The following MTMR7 variants were observed in gnomAD, a reference collection of about 807,000 sequenced individuals.
MTMR7 encodes myotubularin related protein 7, also known as phosphatidylinositol-3-phosphate phosphatase MTMR7.
A neutral mutation model predicts 81.2 loss-of-function variants in MTMR7; 76 were observed. That is an observed-to-expected ratio of 0.94 (90% CI 0.78 to 1.13). MTMR7 has a LOEUF of 1.13. MTMR7 is among the 50% of genes most tolerant of loss of function. The probability of loss-of-function intolerance (pLI) is 0.00; values close to 1 mark genes in which losing one functional copy is unlikely to be tolerated. For missense variants in MTMR7, 1,044 were observed against 820.0 expected (o/e 1.27, Z -3.34); for synonymous variants, 372 against 289.8 (o/e 1.28, Z -2.88).
At chr8:17,361,590 G>T (rs991212707) in intron 3 of MTMR7, among the ~76,000 whole-genome samples, 1 of 152,116 alleles carries the variant, frequency 6.6e-6, no homozygotes, top group African/African-American at 2.4e-5. Flanking sequence ...CATCAAATAT[G>T]GAACATAAAA....
chr8:17,329,257 T>C (rs1203748451), intron 7 of MTMR7, among the ~76,000 whole-genome samples: 2 of 152,194 alleles, frequency 1.3e-5, no homozygotes, highest in East Asian at 3.8e-4. Context: ...CAACACTTCA[T>C]CATCAGCTCA....
At chr8:17,381,426 G>A (rs190399791) in intron 1 of MTMR7, among the ~76,000 whole-genome samples, 8 of 151,970 alleles carry the variant, frequency 5.3e-5, no homozygotes, top group East Asian at 1.9e-4. Context: ...TGCCACCTTC[G>A]AATTTCAATC....
chr8:17,389,560 C>A (rs547080423), intron 1 of MTMR7, among the ~76,000 whole-genome samples: 1 of 152,130 alleles, frequency 6.6e-6, no homozygotes, highest in African/African-American at 2.4e-5. Flanking sequence ...TGATGCCAAG[C>A]ACAGATGCTA....
chr8:17,385,524 C>T (rs1028342821), intron 1 of MTMR7, among the ~76,000 whole-genome samples: 1 of 152,172 alleles, frequency 6.6e-6, no homozygotes, highest in Non-Finnish European at 1.5e-5. Context: ...CTTTGCTCTG[C>T]CTTCGTCTTC....
intron 3 of MTMR7, among the ~76,000 whole-genome samples, chr8:17,364,018 A>ATGATTTTTT (rs1554514764): frequency 3.7e-5 from 2 of 53,804 alleles, no homozygotes; most frequent in Non-Finnish European, 3.2e-5. Flanking sequence ...AAGTGTTGCT[A>ATGATTTTTT]TTATTTTTTT....
At chr8:17,365,620 C>T (rs1293670846) in intron 3 of MTMR7, among the ~76,000 whole-genome samples, 2 of 152,080 alleles carry the variant, frequency 1.3e-5, no homozygotes, top group South Asian at 2.1e-4. Flanking sequence ...CCTAAGGGGC[C>T]CCATTACACA....
At chr8:17,393,851 A>C (rs1278252579) in intron 1 of MTMR7, among the ~76,000 whole-genome samples, 1 of 152,244 alleles carries the variant, frequency 6.6e-6, no homozygotes, top group African/African-American at 2.4e-5. Flanking sequence ...CCTGGGACTT[A>C]ACACAAACGT....
chr8:17,302,529 A>G (rs1407954427), intron 12 of MTMR7: 2 of 353,950 alleles, frequency 5.7e-6, no homozygotes, highest in Non-Finnish European at 1.0e-5. Context: ...CACAGAATAC[A>G]TTTTTCTAAA....
At chr8:17,411,909 C>T (rs1821745917) in intron 1 of MTMR7, among the ~76,000 whole-genome samples, 1 of 152,324 alleles carries the variant, frequency 6.6e-6, no homozygotes, top group East Asian at 1.9e-4. Flanking sequence ...ACAAACGGCT[C>T]CCTTCATCAT....
At chr8:17,377,571 G>A (rs1315150330) in intron 1 of MTMR7, among the ~76,000 whole-genome samples, 2 of 151,364 alleles carry the variant, frequency 1.3e-5, no homozygotes, top group East Asian at 4.1e-4. Context: ...GCTTGGGCAT[G>A]CCATGTGGTT....
intron 12 of MTMR7, 131 bp downstream of exon 12, chr8:17,304,248 C>T: frequency 2.1e-6 from 2 of 948,078 alleles, no homozygotes; most frequent in Non-Finnish European, 3.0e-6. Context: ...ATTCAAGCAT[C>T]TCCCTCTGGT....
At chr8:17,411,437 T>C (rs540224178) in intron 1 of MTMR7, among the ~76,000 whole-genome samples, 10 of 152,294 alleles carry the variant, frequency 6.6e-5, no homozygotes, top group South Asian at 2.1e-4. Flanking sequence ...CCCTTAGAGA[T>C]TGTGAGTTCC....
intron 1 of MTMR7, among the ~76,000 whole-genome samples, chr8:17,405,692 T>A (rs547918165): frequency 6.6e-6 from 1 of 152,102 alleles, no homozygotes; most frequent in South Asian, 2.1e-4. Context: ...CCATGGAGAA[T>A]TGCCTCCAGA....
At chr8:17,396,247 C>G (rs148475781) in intron 1 of MTMR7, among the ~76,000 whole-genome samples, 2,874 of 152,166 alleles carry the variant, frequency 0.019, 44 homozygotes, top group Middle Eastern at 0.031. Flanking sequence ...CAAAAAAGCA[C>G]CATCATAAGA....
At chr8:17,310,503 G>T (rs1028084954) in intron 9 of MTMR7, among the ~76,000 whole-genome samples, 5 of 152,102 alleles carry the variant, frequency 3.3e-5, no homozygotes, top group African/African-American at 1.2e-4. Flanking sequence ...ATGTGTGCAG[G>T]AGAAGAGCCT....
chr8:17,404,417 A>G (rs1821518814), intron 1 of MTMR7, among the ~76,000 whole-genome samples: 1 of 152,184 alleles, frequency 6.6e-6, no homozygotes, highest in Admixed American at 6.5e-5. Flanking sequence ...GGTACCTATT[A>G]GATATACAAA....
chr8:17,309,385 A>C, intron 9 of MTMR7, 59 bp from the exon 10 acceptor site: 2 of 1,154,420 alleles, frequency 1.7e-6, no homozygotes, highest in Non-Finnish European at 2.6e-6. Flanking sequence ...AAGAGACCAC[A>C]CAACCAATAA....
At chr8:17,339,431 T>G (rs1378985708) in intron 6 of MTMR7, among the ~76,000 whole-genome samples, 1 of 152,172 alleles carries the variant, frequency 6.6e-6, no homozygotes, top group Non-Finnish European at 1.5e-5. Context: ...TCACCATTTC[T>G]CTCCCTTCCC....
chr8:17,331,034 T>A, intron 7 of MTMR7, 116 bp downstream of exon 7: 2 of 1,249,508 alleles, frequency 1.6e-6, no homozygotes, highest in Non-Finnish European at 1.1e-6. Flanking sequence ...AACATGATAT[T>A]CTTCCCAAAT....
Sources: gnomAD v4.1 joint callset for allele counts (sites outside exome capture counted in the v4.1 genomes callset) on GRCh38, gnomAD v4.1.1 for gene constraint, MANE v1.5 for transcripts, NCBI Gene and HGNC (gene_info 2026-07-23, HGNC 2026-07-21) for gene names.